MSH3: variants seen among roughly 807,000 people sequenced by gnomAD.
The protein encoded by MSH3 is mutS homolog 3.
MSH3 carries 106 observed loss-of-function variants against 123.3 expected under a neutral mutation model. That is an observed-to-expected ratio of 0.86 (90% confidence interval 0.73 to 1.01). MSH3 has a LOEUF of 1.01. MSH3 is among the 50% of genes least tolerant of loss of function. The probability of loss-of-function intolerance (pLI) is 0.00; values close to 1 mark genes in which losing one functional copy is unlikely to be tolerated. For missense variants in MSH3, 1,459 were observed against 1,347.6 expected, an observed-to-expected ratio of 1.08 and a Z score of -1.29; for synonymous variants, 515 against 481.4, an observed-to-expected ratio of 1.07 and a Z score of -0.91.
Position 80,761,541 on chromosome 5 carries a change from C to T in MSH3, c.1764-5C>T, listed in dbSNP as rs2112879811. Reference sequence around the variant, plus strand: ...CTGATTATTGCTATTACTCTTTTCTCACAGGGAAATAAATGCCCGGCTTGA... The same window carrying T: ...CTGATTATTGCTATTACTCTTTTCTTACAGGGAAATAAATGCCCGGCTTGA... On this transcript the variant is annotated splice_region_variant and splice_polypyrimidine_tract_variant and intron_variant, in intron 12 of 23. Coordinates refer to ENST00000265081, the MANE Select transcript of MSH3 (RefSeq NM_002439.5). 6.2e-7 allele frequency: 1 copy of T among 1,613,980 alleles called. No individual in the cohort carries two copies. Among genetic ancestry groups the T allele is most frequent in the Non-Finnish European group, 8.5e-7 (1 of 1,179,918 alleles).
At chr5:80,672,605 T>G in intron 5 of MSH3, 136 bp from the exon 6 acceptor site, 4 of 796,476 alleles carry the variant, frequency 5.0e-6, no homozygotes, top group Non-Finnish European at 8.6e-6. Flanking sequence ...CCTTGTCAAC[T>G]CCTTTAAACC....
chr5:80,655,280 C>A, intron 1 of MSH3: 1 of 275,640 alleles, frequency 3.6e-6, no homozygotes, highest in Non-Finnish European at 6.8e-6. Context: ...TTTTAACCTC[C>A]ATCCTTTTTT....
chr5:80,819,076 T>C (rs560385781), intron 20 of MSH3, among the ~76,000 whole-genome samples: 1 of 152,214 alleles, frequency 6.6e-6, no homozygotes, highest in East Asian at 1.9e-4. Flanking sequence ...CAATGTCCAG[T>C]TGACCCAAAT....
chr5:80,670,309 G>A lies in MSH3; in HGVS notation c.792G>A (p.Glu264=), dbSNP rs2112812423. The A allele has an allele frequency of 6.2e-7, 1 of 1,613,802 alleles. No individual in the cohort carries two copies. The highest frequency in any genetic ancestry group is 8.5e-7 in the Non-Finnish European group (1 of 1,179,786). ...YKYRFFGEDA[E]IAARELNIYC... is the part of the protein sequence containing the mutation. ...ATAGATTCTTTGGGGAAGATGCAGA[G>A]GTAAGTCGTCTTTTCAGGCACTATT... is the stretch of plus-strand genomic sequence containing the variant. The change falls in exon 4 of 24, where the codon GAG becomes GAA. Residue 264 remains glutamate (E), a splice_region_variant and synonymous_variant. Coordinates refer to ENST00000265081, the MANE Select transcript of MSH3 (RefSeq NM_002439.5).
intron 2 of MSH3, among the ~76,000 whole-genome samples, chr5:80,664,117 C>T (rs1032554522): frequency 6.6e-6 from 1 of 152,164 alleles, no homozygotes; most frequent in African/African-American, 2.4e-5. Context: ...AATTGGCAGA[C>T]TGTGATGAGT....
intron 16 of MSH3, among the ~76,000 whole-genome samples, chr5:80,777,715 T>C (rs1241775363): frequency 1.3e-5 from 2 of 152,178 alleles, no homozygotes; most frequent in African/African-American, 4.8e-5. Context: ...GAGTCAGATT[T>C]TGAATGCAAA....
At chr5:80,838,575 A>G (rs545814340) in intron 20 of MSH3, among the ~76,000 whole-genome samples, 1 of 152,220 alleles carries the variant, frequency 6.6e-6, no homozygotes, top group Admixed American at 6.5e-5. Context: ...TACCTATATT[A>G]AATCAGTTTT....
chr5:80,803,166 A>G (rs116263556), intron 19 of MSH3, among the ~76,000 whole-genome samples: 1,813 of 152,280 alleles, frequency 0.012, 35 homozygotes, highest in African/African-American at 0.041. Flanking sequence ...ACTCTTATCC[A>G]TAACAGTTGT....
chr5:80,672,681 A>G (rs114833767), intron 5 of MSH3, 60 bp from the exon 6 acceptor site: 190 of 1,325,048 alleles, frequency 1.4e-4, no homozygotes, highest in Non-Finnish European at 2.0e-4. Context: ...ACATTTCGAA[A>G]TGAGTTTTTA....
At chr5:80,728,724 A>G (rs1000334242) in intron 9 of MSH3, 127 bp from the exon 10 acceptor site, 7 of 593,092 alleles carry the variant, frequency 1.2e-5, no homozygotes, top group Non-Finnish European at 2.1e-5. Flanking sequence ...TATTTTGGTA[A>G]CCATTAAGTT....
chr5:80,839,370 T>C (rs531782680), intron 20 of MSH3, among the ~76,000 whole-genome samples: 1 of 152,238 alleles, frequency 6.6e-6, no homozygotes, highest in South Asian at 2.1e-4. Context: ...TCTGTCTCAA[T>C]AAAATAAAAT....
rs114683745 is a variant in MSH3, at chr5:80,746,520, T to C, written c.1763+1905T>C. On this transcript the variant is annotated intron_variant, in intron 12 of 23. Transcript: ENST00000265081. The stretch of plus-strand genomic sequence containing the variant: ...TGTCTAAGTAGTTTGCAGGCAGAAG[T>C]AGTACAAAAAGTATTCCTTGATCGA... 2,457 of 482,174 alleles carry C rather than the reference T, an allele frequency of 5.1e-3. 45 individuals are homozygous for C. Among genetic ancestry groups the C allele is most frequent in the African/African-American group, 0.044 (2,230 of 50,594 alleles). 29.9% of individuals were successfully genotyped at this position (482,174 alleles called of 1,614,324 possible).
At chr5:80,696,886 A>G (rs1750494622) in intron 8 of MSH3, among the ~76,000 whole-genome samples, 1 of 152,220 alleles carries the variant, frequency 6.6e-6, no homozygotes, top group Non-Finnish European at 1.5e-5. Context: ...AATTTTGCAC[A>G]TGGGTGAATC....
chr5:80,838,503 G>T (rs186223338), intron 20 of MSH3, among the ~76,000 whole-genome samples: 15 of 152,286 alleles, frequency 9.8e-5, no homozygotes, highest in Non-Finnish European at 1.2e-4. Context: ...GCTCACATAT[G>T]TTATCACATT....
At chr5:80,842,982 C>T (rs564998442) in intron 20 of MSH3, among the ~76,000 whole-genome samples, 14 of 152,108 alleles carry the variant, frequency 9.2e-5, no homozygotes, top group South Asian at 6.2e-4. Context: ...TGTCATGTGC[C>T]GGTTTTCAAA....
chr5:80,846,567 T>G (rs1293469914), intron 20 of MSH3, among the ~76,000 whole-genome samples: 2 of 152,142 alleles, frequency 1.3e-5, no homozygotes, highest in African/African-American at 4.8e-5. Context: ...TCTGCCCAGT[T>G]TGAGCTTCCA....
At chr5:80,859,597 C>A (rs1745980002) in intron 21 of MSH3, among the ~76,000 whole-genome samples, 1 of 151,960 alleles carries the variant, frequency 6.6e-6, no homozygotes, top group Non-Finnish European at 1.5e-5. Flanking sequence ...TAATATTTAC[C>A]ATTTTTTACT....
At chr5:80,769,724 A>G (rs564194728) in intron 15 of MSH3, among the ~76,000 whole-genome samples, 1 of 152,226 alleles carries the variant, frequency 6.6e-6, no homozygotes, top group South Asian at 2.1e-4. Context: ...CAAATTAGGA[A>G]ACTTATGGTT....
chr5:80,710,618 G>A (rs1317756862), intron 8 of MSH3, among the ~76,000 whole-genome samples: 1 of 152,188 alleles, frequency 6.6e-6, no homozygotes, highest in Non-Finnish European at 1.5e-5. Flanking sequence ...TTCTGGGAAA[G>A]CATCTTAGAG....
Sources: allele counts gnomAD v4.1 joint callset (sites outside exome capture counted in the v4.1 genomes callset), GRCh38; gene constraint gnomAD v4.1.1; transcripts MANE v1.5; gene names NCBI Gene and HGNC (gene_info 2026-07-23, HGNC 2026-07-21).